The following RAB3IP variants were observed in gnomAD, a reference collection of about 807,000 sequenced individuals.
RAB3IP encodes the protein rab-3A-interacting protein.
Under a neutral mutation model 59.1 loss-of-function variants are expected in RAB3IP, and 36 were observed. The ratio of observed to expected loss-of-function variants is 0.61; its 90% CI spans 0.47 to 0.80. RAB3IP has a LOEUF of 0.80. Ranked by LOEUF, RAB3IP falls within the 30% of genes least tolerant of loss-of-function variation. The pLI is 0.00. For missense variants in RAB3IP, 511 were observed against 536.0 expected (o/e 0.95, Z 0.46); for synonymous variants, 207 against 191.2 (o/e 1.08, Z -0.68).
intron 1 of RAB3IP, among the ~76,000 whole-genome samples, chr12:69,753,647 C>T (rs1250894784): frequency 3.3e-5 from 5 of 152,140 alleles, no homozygotes; most frequent in African/African-American, 1.2e-4. Context: ...CCAAGCCTGA[C>T]CTGTTTGGCA....
chr12:69,756,392 C>G lies in RAB3IP; in HGVS notation c.252-13C>G, dbSNP rs1870220254. The G allele has an allele frequency of 6.2e-7, 1 of 1,610,432 alleles. No individual in the cohort carries two copies. ...TGCTGATATTTTCTGAAAAATGTCT[C>G]TCTCCTTTACAGCTTTCATGTTACA... On this transcript the variant is annotated splice_polypyrimidine_tract_variant and intron_variant, in intron 2 of 10. Coordinates refer to ENST00000247833, the MANE Select transcript of RAB3IP (RefSeq NM_022456.5).
chr12:69,793,969 G>A (rs1877046219), intron 4 of RAB3IP, among the ~76,000 whole-genome samples: 1 of 152,140 alleles, frequency 6.6e-6, no homozygotes, highest in African/African-American at 2.4e-5. Flanking sequence ...AAAATTTTGG[G>A]AATGTTTTTA....
At position 69,784,791 on chromosome 12, in the gene RAB3IP, A is replaced by G. The variant is rs1191093892; in HGVS notation, c.582A>G (p.Glu194=). The change falls in exon 4 of 11, where the codon GAA becomes GAG. Residue 194 remains glutamate (E), a synonymous_variant. Transcript: ENST00000247833. ...KVRDQLGQEL[E]ELTASLFEEA... is the part of the protein sequence containing the mutation. Reference sequence around the variant, plus strand: ...GAGATCAACTTGGACAGGAATTGGAAGAACTCACAGCTAGTCTATTTGAGG... The same window carrying G: ...GAGATCAACTTGGACAGGAATTGGAGGAACTCACAGCTAGTCTATTTGAGG... 2 of 1,608,594 alleles carry G rather than the reference A, an allele frequency of 1.2e-6. No homozygotes were observed. Among genetic ancestry groups the G allele is most frequent in the South Asian group, 2.2e-5 (2 of 90,576 alleles).
chr12:69,770,205 G>C (rs960313158), intron 3 of RAB3IP, among the ~76,000 whole-genome samples: 3 of 152,072 alleles, frequency 2.0e-5, no homozygotes, highest in Non-Finnish European at 2.9e-5. Flanking sequence ...TCTTGGATTT[G>C]ATGAAATACA....
chr12:69,787,697 G>A (rs1280152922), intron 4 of RAB3IP, among the ~76,000 whole-genome samples: 3 of 152,064 alleles, frequency 2.0e-5, no homozygotes, highest in African/African-American at 7.2e-5. Context: ...TGCCTTCCAA[G>A]CCACCATCGT....
At chr12:69,769,766 T>C (rs1395106472) in intron 3 of RAB3IP, among the ~76,000 whole-genome samples, 1 of 152,220 alleles carries the variant, frequency 6.6e-6, no homozygotes, top group Non-Finnish European at 1.5e-5. Flanking sequence ...TGGGGAGAAG[T>C]AGCATGTATT....
At chr12:69,785,976 T>G (rs115619640) in intron 4 of RAB3IP, among the ~76,000 whole-genome samples, 1,693 of 152,270 alleles carry the variant, frequency 0.011, 28 homozygotes, top group African/African-American at 0.038. Flanking sequence ...ACAAAAACAT[T>G]GATGTGTTAC....
At chr12:69,746,983 A>G (rs963604590) in intron 1 of RAB3IP, among the ~76,000 whole-genome samples, 1 of 152,200 alleles carries the variant, frequency 6.6e-6, no homozygotes. Flanking sequence ...TTTAATTTCT[A>G]TTATTGTGAT....
intron 1 of RAB3IP, among the ~76,000 whole-genome samples, chr12:69,745,457 AGCTGAATAAGTATTAAATTCTG>A (rs1452126006): frequency 6.6e-6 from 1 of 151,640 alleles, no homozygotes; most frequent in Admixed American, 6.6e-5. Context: ...TCCTGTAAGG[AGCTGAATAAGTATTAAATTCTG>A]GCATAGTAAC....
Position 69,816,543 on chromosome 12 carries a change from T to C in RAB3IP, c.*1097T>C, listed in dbSNP as rs1468641297. On this transcript the variant is annotated 3_prime_UTR_variant, in exon 11 of 11. Coordinates refer to ENST00000247833, the MANE Select transcript of RAB3IP (RefSeq NM_022456.5). ...CACATCCTAATCCCTGTTTATAGAA[T>C]TTTAACATAATTTAATTGTGTTTGG... is the stretch of plus-strand genomic sequence containing the variant. The C allele has an allele frequency of 6.6e-6, 1 of 152,180 alleles. No individual in the cohort carries two copies. The highest frequency in any genetic ancestry group is 1.5e-5 in the Non-Finnish European group (1 of 68,026). 9.4% of individuals were successfully genotyped at this position (152,180 alleles called of 1,614,324 possible). A position where few individuals can be genotyped will look rare whatever the true frequency, so the allele number is the denominator to read the frequency against.
intron 3 of RAB3IP, among the ~76,000 whole-genome samples, chr12:69,772,372 G>A (rs781072272): frequency 9.2e-5 from 14 of 152,040 alleles, no homozygotes; most frequent in South Asian, 2.1e-4. Flanking sequence ...CAGTCACTCC[G>A]TCTCTTATTG....
Position 69,788,404 on chromosome 12 carries a change from A to G in RAB3IP, c.606+3589A>G, listed in dbSNP as rs569094644. ...CTGTTGGCACTTGTGATACAATGGT[A>G]AATATTTACGTATCTAAACATAGAA... is the stretch of plus-strand genomic sequence containing the variant. On this transcript the variant is annotated intron_variant, in intron 4 of 10. Transcript: ENST00000247833. Among the ~76,000 whole-genome samples, 5 of 152,264 alleles carry G rather than the reference A, an allele frequency of 3.3e-5. No homozygotes were observed. In the South Asian group the frequency reaches 1.0e-3, roughly 32 times the overall value.
rs145286943 is a variant in RAB3IP at position 69,802,554 on chromosome 12, T to A, written c.1130+833T>A. Among the ~76,000 whole-genome samples the A allele has an allele frequency of 2.8e-3, 425 of 152,278 alleles. 4 individuals carry two copies. The highest frequency in any genetic ancestry group is 9.7e-3 in the African/African-American group (401 of 41,544). The stretch of plus-strand genomic sequence containing the variant: ...GCATAATTGTGTCTTGGCTTCTGTT[T>A]AAAAAATGACTTGGAAAGCTTTTGA... On this transcript the variant is annotated intron_variant, in intron 8 of 10. Coordinates refer to ENST00000247833, the MANE Select transcript of RAB3IP (RefSeq NM_022456.5).
chr12:69,813,724 T>C (rs1880787687), intron 10 of RAB3IP, among the ~76,000 whole-genome samples: 1 of 152,062 alleles, frequency 6.6e-6, no homozygotes, highest in African/African-American at 2.4e-5. Context: ...GATACTAGGC[T>C]AGGGACAAGT....
At position 69,802,983 on chromosome 12, in the gene RAB3IP, C is replaced by T. The variant is rs1418491627; in HGVS notation, c.1130+1262C>T. Among the ~76,000 whole-genome samples, 5 of 152,144 alleles carry T rather than the reference C, an allele frequency of 3.3e-5. No homozygotes were observed. In the East Asian group the frequency reaches 7.7e-4, roughly 23 times the overall value. On this transcript the variant is annotated intron_variant, in intron 8 of 10. Coordinates refer to ENST00000247833, the MANE Select transcript of RAB3IP (RefSeq NM_022456.5). Reference sequence around the variant, plus strand: ...CCAAGTATTTTTGTTCTGATCCTTCCACCCCAAATATGGAGAGTTAAATTT... The same window carrying T: ...CCAAGTATTTTTGTTCTGATCCTTCTACCCCAAATATGGAGAGTTAAATTT...
rs953033399 is a variant in RAB3IP, at chr12:69,821,458, C to G, written c.*6012C>G. On this transcript the variant is annotated 3_prime_UTR_variant, in exon 11 of 11. Transcript: ENST00000247833. ...TGGATTGTGCTCTCAGTGGAGTGCT[C>G]TGGATTCTGATTAATAGAGATTTTC... The G allele has an allele frequency of 6.6e-6, 1 of 152,156 alleles. No homozygotes were observed. Among genetic ancestry groups the G allele is most frequent in the Admixed American group, 6.5e-5 (1 of 15,278 alleles). 9.4% of individuals were successfully genotyped at this position (152,156 alleles called of 1,614,324 possible). A position where few individuals can be genotyped will look rare whatever the true frequency, so the allele number is the denominator to read the frequency against.
chr12:69,747,693 G>C (rs1057036831), intron 1 of RAB3IP, among the ~76,000 whole-genome samples: 3 of 152,168 alleles, frequency 2.0e-5, no homozygotes, highest in African/African-American at 7.2e-5. Context: ...ACTGATTCCA[G>C]AGTACAAGCT....
chr12:69,783,194 A>G (rs1248413154), intron 3 of RAB3IP, among the ~76,000 whole-genome samples: 2 of 152,196 alleles, frequency 1.3e-5, no homozygotes, highest in African/African-American at 4.8e-5. Flanking sequence ...GGATAGCTTT[A>G]TCAGTTTACA....
At chr12:69,744,489 T>C (rs1206724540) in intron 1 of RAB3IP, among the ~76,000 whole-genome samples, 1 of 151,932 alleles carries the variant, frequency 6.6e-6, no homozygotes, top group East Asian at 1.9e-4. Flanking sequence ...CTTGGGAGGT[T>C]GAGGCAGACA....
Sources: allele counts gnomAD v4.1 joint callset (sites outside exome capture counted in the v4.1 genomes callset), GRCh38; gene constraint gnomAD v4.1.1; transcripts MANE v1.5; gene names NCBI Gene and HGNC (gene_info 2026-07-23, HGNC 2026-07-21).